CNBD1: variants seen among roughly 807,000 people sequenced by gnomAD.
The protein encoded by CNBD1 is cyclic nucleotide-binding domain-containing protein 1.
In CNBD1, 71 loss-of-function variants were observed where a neutral mutation model predicts 54.4. That is an observed-to-expected ratio of 1.30 (90% CI 1.08 to 1.59). CNBD1 has a LOEUF of 1.59. Ranked by LOEUF, CNBD1 falls within the 40% of genes most tolerant of loss-of-function variation. The probability of loss-of-function intolerance (pLI) is 0.00; values close to 1 mark genes in which losing one functional copy is unlikely to be tolerated. For missense variants in CNBD1, 659 were observed against 518.0 expected, an observed-to-expected ratio of 1.27 and a Z score of -2.64; for synonymous variants, 182 against 170.7, an observed-to-expected ratio of 1.07 and a Z score of -0.51.
chr8:87,084,087 T>C (rs886388135), intron 4 of CNBD1, among the ~76,000 whole-genome samples: 3 of 152,214 alleles, frequency 2.0e-5, no homozygotes, highest in African/African-American at 7.2e-5. Flanking sequence ...TTCATTGACA[T>C]GTTAAAGGAT....
At chr8:87,338,735 TG>T (rs1394437169) in intron 8 of CNBD1, among the ~76,000 whole-genome samples, 5 of 152,148 alleles carry the variant, frequency 3.3e-5, no homozygotes, top group African/African-American at 1.2e-4. Flanking sequence ...TTGAGCTTCC[TG>T]GATCTGTGGT....
chr8:87,221,754 C>G (rs10955224), intron 5 of CNBD1, among the ~76,000 whole-genome samples: 2 of 151,880 alleles, frequency 1.3e-5, no homozygotes, highest in African/African-American at 4.8e-5. Context: ...TTTCAATAGA[C>G]GCTCTGAGCT....
intron 4 of CNBD1, among the ~76,000 whole-genome samples, chr8:86,945,607 C>T (rs141625093): frequency 5.9e-5 from 9 of 152,150 alleles, no homozygotes; most frequent in South Asian, 2.1e-4. Flanking sequence ...GGAGGAAAAC[C>T]GCACTTCAAT....
At chr8:87,194,547 G>T (rs953454987) in intron 4 of CNBD1, among the ~76,000 whole-genome samples, 3 of 152,134 alleles carry the variant, frequency 2.0e-5, no homozygotes, top group Non-Finnish European at 2.9e-5. Context: ...TGCATTATAT[G>T]CCTGATTCTA....
chr8:87,272,626 A>G (rs1228059139), intron 6 of CNBD1, among the ~76,000 whole-genome samples: 2 of 152,004 alleles, frequency 1.3e-5, no homozygotes, highest in Non-Finnish European at 2.9e-5. Context: ...CATCTTTTAT[A>G]CAAAATTCAG....
intron 4 of CNBD1, among the ~76,000 whole-genome samples, chr8:87,151,942 C>A (rs1384152398): frequency 6.6e-6 from 1 of 151,898 alleles, no homozygotes; most frequent in Non-Finnish European, 1.5e-5. Context: ...TCTTATATAA[C>A]TTAATCATCA....
At chr8:87,311,837 A>G (rs1321369522) in intron 8 of CNBD1, among the ~76,000 whole-genome samples, 1 of 152,088 alleles carries the variant, frequency 6.6e-6, no homozygotes, top group Non-Finnish European at 1.5e-5. Context: ...ATGCAAATTA[A>G]CACAGGAACT....
intron 6 of CNBD1, among the ~76,000 whole-genome samples, chr8:87,240,977 C>G (rs116011967): frequency 2.6e-5 from 4 of 152,162 alleles, no homozygotes; most frequent in Non-Finnish European, 5.9e-5. Flanking sequence ...GTGGGTCCCC[C>G]CAGTTGATGG....
intron 8 of CNBD1, among the ~76,000 whole-genome samples, chr8:87,348,863 A>G (rs1374883094): frequency 1.3e-5 from 2 of 152,204 alleles, no homozygotes; most frequent in Non-Finnish European, 2.9e-5. Flanking sequence ...CGTATGATAA[A>G]CAACAGAAAG....
At position 87,427,871 on chromosome 8, in the gene CNBD1, A is replaced by G. The variant is rs192979491; in HGVS notation, c.214-675A>G. 3.2e-3 allele frequency among the ~76,000 whole-genome samples: 480 copies of G among 152,212 alleles called. 2 individuals are homozygous for G. Among genetic ancestry groups the G allele is most frequent in the African/African-American group, 0.011 (447 of 41,532 alleles). ...TTTATAATTCAATAAAACCTCATCC[A>G]TAACATAAAGGGCAGTTGGCCATCC... is the stretch of plus-strand genomic sequence containing the variant. On this transcript the variant is annotated intron_variant, in intron 2 of 7. Transcript: ENST00000521593.
At chr8:87,094,192 A>G (rs796787185) in intron 4 of CNBD1, among the ~76,000 whole-genome samples, 1 of 152,102 alleles carries the variant, frequency 6.6e-6, no homozygotes, top group South Asian at 2.1e-4. Flanking sequence ...TAGGTTGCGC[A>G]CAACGCTCAC....
chr8:87,167,296 AAAC>A (rs1259659838), intron 4 of CNBD1, among the ~76,000 whole-genome samples: 52 of 152,104 alleles, frequency 3.4e-4, no homozygotes, highest in African/African-American at 1.2e-3. Context: ...CGAACACCTC[AAAC>A]ATTGATCATT....
intron 7 of CNBD1, 109 bp downstream of exon 7, chr8:87,284,924 A>G (rs1340518247): frequency 2.4e-6 from 2 of 818,148 alleles, no homozygotes; most frequent in Non-Finnish European, 3.6e-6. Flanking sequence ...TTAAATTTTA[A>G]TTTAACCTAG....
chr8:87,228,791 G>T (rs1277846435), intron 5 of CNBD1, among the ~76,000 whole-genome samples: 2 of 152,174 alleles, frequency 1.3e-5, no homozygotes, highest in Non-Finnish European at 2.9e-5. Context: ...TCCAGGCTGT[G>T]TTGTTTACCT....
intron 4 of CNBD1, among the ~76,000 whole-genome samples, chr8:87,153,317 C>T (rs928169877): frequency 1.3e-5 from 2 of 152,126 alleles, no homozygotes; most frequent in African/African-American, 2.4e-5. Context: ...TTCTGGATAT[C>T]GTGGGACCCA....
At chr8:87,296,620 C>CGT (rs1554576898) in intron 8 of CNBD1, among the ~76,000 whole-genome samples, 97,039 of 150,250 alleles carry the variant, frequency 0.65, 31,921 homozygotes, top group Non-Finnish European at 0.71. Context: ...TATATATACA[C>CGT]ATATATATAC....
At chr8:87,034,260 T>A (rs1024372444) in intron 4 of CNBD1, among the ~76,000 whole-genome samples, 1 of 152,242 alleles carries the variant, frequency 6.6e-6, no homozygotes, top group African/African-American at 2.4e-5. Context: ...TCCCAAGGTA[T>A]CATAATATCA....
intron 4 of CNBD1, among the ~76,000 whole-genome samples, chr8:87,164,728 TCTC>T (rs929075047): frequency 5.9e-5 from 9 of 151,866 alleles, no homozygotes; most frequent in Admixed American, 5.3e-4. Context: ...TGTTAAAAAA[TCTC>T]CTACTTTCAT....
At chr8:87,251,185 T>G (rs1295883791) in intron 6 of CNBD1, among the ~76,000 whole-genome samples, 1 of 151,978 alleles carries the variant, frequency 6.6e-6, no homozygotes, top group East Asian at 1.9e-4. Context: ...CTTGAGATCA[T>G]TAGTAAAATT....
Sources: allele counts gnomAD v4.1 joint callset (sites outside exome capture counted in the v4.1 genomes callset), GRCh38; gene constraint gnomAD v4.1.1; transcripts MANE v1.5; gene names NCBI Gene and HGNC (gene_info 2026-07-23, HGNC 2026-07-21).